The following DRD3 variants were observed in gnomAD, a reference collection of about 807,000 sequenced individuals.
DRD3 encodes the protein dopamine receptor D3.
Under a neutral mutation model 36.3 loss-of-function variants are expected in DRD3, and 19 were observed. The ratio of observed to expected loss-of-function variants is 0.52; its 90% CI spans 0.36 to 0.77. The LOEUF (loss-of-function observed/expected upper bound fraction) is 0.77, where lower values mean the gene tolerates loss of function less well. DRD3 is among the 30% of genes least tolerant of loss of function. The pLI is 0.00. For missense variants in DRD3, 465 were observed against 505.3 expected (o/e 0.92, Z 0.77); for synonymous variants, 195 against 203.7 (o/e 0.96, Z 0.36).
intron 2 of DRD3, among the ~76,000 whole-genome samples, chr3:114,164,446 T>TATTGATTTTCA: frequency 6.6e-6 from 1 of 152,198 alleles, no homozygotes; most frequent in South Asian, 2.1e-4. Flanking sequence ...TGAAATTGTC[T>TATTGATTTTCA]ATTGATTTTC....
chr3:114,164,554 G>C (rs113089386), intron 2 of DRD3, among the ~76,000 whole-genome samples: 17 of 152,198 alleles, frequency 1.1e-4, no homozygotes, highest in African/African-American at 4.1e-4. Context: ...ATGATTCTTA[G>C]GCCTCGCTCA....
rs201403721 is a variant in DRD3, at chr3:114,139,484, C to A, written c.723+16G>T. On this transcript the variant is annotated intron_variant, in intron 5 of 6. Transcript: ENST00000383673. Reference sequence around the variant, plus strand: ...ATTGGGTGTTGTCTTCCCTCTACCCCCTCCAGGGTACTTACTTGCTGGGGG... The same window carrying A: ...ATTGGGTGTTGTCTTCCCTCTACCCACTCCAGGGTACTTACTTGCTGGGGG... 11 of 1,608,600 alleles carry A rather than the reference C, an allele frequency of 6.8e-6. No homozygotes were observed. The highest frequency in any genetic ancestry group is 3.3e-5 in the South Asian group (3 of 90,174).
chr3:114,187,209 C>G (rs1263239496), intron 1 of DRD3, among the ~76,000 whole-genome samples: 1 of 152,200 alleles, frequency 6.6e-6, no homozygotes, highest in Admixed American at 6.5e-5. Flanking sequence ...AAAATGTTCT[C>G]TAAGATTAGA....
intron 5 of DRD3, among the ~76,000 whole-genome samples, chr3:114,132,962 T>G (rs1011066168): frequency 2.6e-5 from 4 of 152,010 alleles, no homozygotes; most frequent in Non-Finnish European, 5.9e-5. Flanking sequence ...GATGTGGTAT[T>G]GTGGTTATGT....
chr3:114,128,630 C>A lies in DRD3; in HGVS notation c.*86G>T, dbSNP rs1420123864. Reference sequence around the variant, plus strand: ...CCAGGAATCTTCTTCCTACTGCATGCCGGAGGACACTGCACAGTCTTTCTG... The same window carrying A: ...CCAGGAATCTTCTTCCTACTGCATGACGGAGGACACTGCACAGTCTTTCTG... On this transcript the variant is annotated 3_prime_UTR_variant, in exon 7 of 7. Coordinates refer to ENST00000383673, the MANE Select transcript of DRD3 (RefSeq NM_000796.6). 1.5e-6 allele frequency: 2 copies of A among 1,336,606 alleles called. No homozygotes were observed. Among genetic ancestry groups the A allele is most frequent in the Non-Finnish European group, 2.0e-6 (2 of 1,000,694 alleles). The allele number at this position is 1,336,606 out of a possible 1,614,324, so 82.8% of individuals were successfully genotyped here. A position where few individuals can be genotyped will look rare whatever the true frequency, so the allele number is the denominator to read the frequency against.
At chr3:114,155,740 G>A (rs926095569) in intron 3 of DRD3, among the ~76,000 whole-genome samples, 2 of 152,212 alleles carry the variant, frequency 1.3e-5, no homozygotes, top group East Asian at 3.9e-4. Context: ...TGGGTGGAGT[G>A]TATAGGCACA....
chr3:114,182,628 T>A (rs2077954337), upstream of DRD3, among the ~76,000 whole-genome samples: 1 of 152,154 alleles, frequency 6.6e-6, no homozygotes, highest in Non-Finnish European at 1.5e-5. Context: ...TTTCTGTTTT[T>A]TGAGACAGAG....
chr3:114,172,160 G>A (rs1442781880), intron 1 of DRD3, 133 bp from the exon 2 acceptor site: 1 of 663,754 alleles, frequency 1.5e-6, no homozygotes, highest in African/African-American at 1.9e-5. Flanking sequence ...TGTTGTGAGA[G>A]TTGGAGATAG....
At position 114,127,975 on chromosome 3, in the gene DRD3, G is replaced by A. The variant is rs977481824; in HGVS notation, c.*741C>T. On this transcript the variant is annotated 3_prime_UTR_variant, in exon 7 of 7. Transcript: ENST00000383673. ...AAACTACAATGGGATGTGTCATTCCGTCTTCAGAAAATATCCCCATCTTGA... is the reference window on the plus strand; with the variant it reads ...AAACTACAATGGGATGTGTCATTCCATCTTCAGAAAATATCCCCATCTTGA... 3.2e-4 allele frequency among the ~76,000 whole-genome samples: 48 copies of A among 152,170 alleles called. No individual in the cohort carries two copies. The highest frequency in any genetic ancestry group is 3.1e-4 in the Non-Finnish European group (21 of 68,030).
At chr3:114,164,339 C>G (rs545220960) in intron 2 of DRD3, among the ~76,000 whole-genome samples, 2 of 145,428 alleles carry the variant, frequency 1.4e-5, no homozygotes, top group East Asian at 4.4e-4. Context: ...TAGAATTATA[C>G]AGCAACCAGG....
intron 1 of DRD3, among the ~76,000 whole-genome samples, chr3:114,177,239 C>G (rs2077908686): frequency 1.3e-5 from 2 of 152,172 alleles, no homozygotes; most frequent in African/African-American, 2.4e-5. Context: ...TAGTCTTTAG[C>G]ATTTCTATGC....
intron 2 of DRD3, among the ~76,000 whole-genome samples, chr3:114,164,230 A>AAAAAAAAAAAAAAAC (rs2077761419): frequency 6.8e-6 from 1 of 146,832 alleles, no homozygotes; most frequent in Non-Finnish European, 1.5e-5. Flanking sequence ...CAAAAAAAAA[A>AAAAAAAAAAAAAAAC]AAAAAAAAAA....
rs1047272418 is a variant in DRD3, at chr3:114,193,054, T to C, written c.-156+6219A>G. Among the ~76,000 whole-genome samples the C allele has an allele frequency of 2.0e-5, 3 of 151,390 alleles. No homozygotes were observed. The East Asian group carries it at 5.8e-4, about 29-fold the overall frequency. On this transcript the variant is annotated intron_variant, in intron 1 of 7. Transcript: ENST00000460779. ...CAGCACTTTGGGAGGCCGAGGCGGG[T>C]AGATCACGAGGTCAGGAGATCGAGA...
intron 3 of DRD3, among the ~76,000 whole-genome samples, chr3:114,151,683 C>T (rs1230952997): frequency 6.6e-6 from 1 of 151,902 alleles, no homozygotes; most frequent in Non-Finnish European, 1.5e-5. Context: ...GTAGGGAACC[C>T]TGGCTCTATC....
chr3:114,128,951 T>C, intron 6 of DRD3, 39 bp from the exon 7 acceptor site: 12 of 1,507,364 alleles, frequency 8.0e-6, no homozygotes, highest in Non-Finnish European at 9.8e-6. Flanking sequence ...GTAAGGGATT[T>C]GCTTACTCCT....
intron 2 of DRD3, among the ~76,000 whole-genome samples, chr3:114,167,843 G>A (rs566525971): frequency 1.3e-5 from 2 of 152,356 alleles, no homozygotes; most frequent in Admixed American, 1.3e-4. Flanking sequence ...TCCAATCAGA[G>A]CACATCTTGA....
intron 1 of DRD3, among the ~76,000 whole-genome samples, chr3:114,174,865 G>A (rs560374303): frequency 6.6e-6 from 1 of 151,806 alleles, no homozygotes; most frequent in Non-Finnish European, 1.5e-5. Context: ...TCTCAGGTAA[G>A]AAGAAGCAAA....
At chr3:114,179,977 AT>A (rs1331286914), upstream of DRD3, among the ~76,000 whole-genome samples, 1 of 152,122 alleles carries the variant, frequency 6.6e-6, no homozygotes, top group African/African-American at 2.4e-5. Context: ...ACCATCCTTA[AT>A]TTATGGATAG....
intron 3 of DRD3, among the ~76,000 whole-genome samples, chr3:114,156,418 C>T (rs2077667931): frequency 6.6e-6 from 1 of 152,136 alleles, no homozygotes; most frequent in African/African-American, 2.4e-5. Context: ...TGACTCCTTT[C>T]TCTTCCTAAT....
Sources: gnomAD v4.1 joint callset for allele counts (sites outside exome capture counted in the v4.1 genomes callset) on GRCh38, gnomAD v4.1.1 for gene constraint, MANE v1.5 for transcripts, NCBI Gene and HGNC (gene_info 2026-07-23, HGNC 2026-07-21) for gene names.